Variants in ZNF385B observed in about 807,000 individuals in gnomAD.
ZNF385B encodes zinc finger protein 385B, also known as zinc finger protein 533.
Under a neutral mutation model 39.2 loss-of-function variants are expected in ZNF385B, and 23 were observed. The ratio of observed to expected loss-of-function variants is 0.59; its 90% CI spans 0.42 to 0.83. ZNF385B has a LOEUF of 0.83. ZNF385B is among the 40% of genes least tolerant of loss of function. ZNF385B has a pLI of 0.00. For synonymous variants in ZNF385B, 205 were observed against 222.6 expected (o/e 0.92, Z 0.70); for missense variants, 552 against 598.9 (o/e 0.92, Z 0.82).
At chr2:179,785,048 A>G (rs1009398370) in intron 1 of ZNF385B, among the ~76,000 whole-genome samples, 1 of 152,124 alleles carries the variant, frequency 6.6e-6, no homozygotes, top group Non-Finnish European at 1.5e-5. Context: ...CAGACATAAT[A>G]TAATGTATTT....
chr2:179,598,176 C>T (rs2106094459), intron 3 of ZNF385B, among the ~76,000 whole-genome samples: 1 of 152,052 alleles, frequency 6.6e-6, no homozygotes, highest in South Asian at 2.1e-4. Context: ...GACATGCTTT[C>T]AGAAAGATAT....
chr2:179,463,011 A>G (rs914920577), intron 6 of ZNF385B, among the ~76,000 whole-genome samples: 3 of 152,194 alleles, frequency 2.0e-5, no homozygotes, highest in Non-Finnish European at 4.4e-5. Context: ...TTAAATTAGA[A>G]ACATATATAA....
In ZNF385B at chr2:179,696,326, C is replaced by CTTTTTTTTTTTTTTTTTTTTTTTTTTTT; in HGVS notation, c.298+73176_298+73177insAAAAAAAAAAAAAAAAAAAAAAAAAAAA. Among the ~76,000 whole-genome samples the CTTTTTTTTTTTTTTTTTTTTTTTTTTTT allele has an allele frequency of 4.4e-3, 179 of 40,358 alleles. 72 individuals carry two copies. Among genetic ancestry groups the CTTTTTTTTTTTTTTTTTTTTTTTTTTTT allele is most frequent in the South Asian group, 8.2e-3 (6 of 728 alleles). The allele number at this position is 40,358 out of a possible 152,430, so 26.5% of individuals were successfully genotyped here. On this transcript the variant is annotated intron_variant, in intron 3 of 9. Transcript: ENST00000410066. ...CTGGGACACTAGGTACAAACTGGGA[C>CTTTTTTTTTTTTTTTTTTTTTTTTTTTT]TTTTTTTTTTTTTTTTTTTTTTTGC... is the stretch of plus-strand genomic sequence containing the variant.
intron 3 of ZNF385B, among the ~76,000 whole-genome samples, chr2:179,581,245 T>C (rs1179413547): frequency 1.3e-5 from 2 of 152,208 alleles, no homozygotes; most frequent in Non-Finnish European, 2.9e-5. Flanking sequence ...CAGTTTACTT[T>C]GTATCTTTCC....
chr2:179,600,365 G>C (rs1688318977), intron 3 of ZNF385B, among the ~76,000 whole-genome samples: 1 of 152,180 alleles, frequency 6.6e-6, no homozygotes, highest in Non-Finnish European at 1.5e-5. Context: ...AAAGAAGGAG[G>C]TTTAGCATCG....
At chr2:179,754,621 T>A (rs939858415) in intron 3 of ZNF385B, among the ~76,000 whole-genome samples, 5 of 152,182 alleles carry the variant, frequency 3.3e-5, no homozygotes, top group African/African-American at 1.2e-4. Flanking sequence ...CTGTTATTGG[T>A]CTCTTCAGAG....
At chr2:179,666,927 A>C (rs1389443058) in intron 3 of ZNF385B, among the ~76,000 whole-genome samples, 2 of 152,172 alleles carry the variant, frequency 1.3e-5, no homozygotes, top group Admixed American at 6.5e-5. Context: ...TTTTATCTAG[A>C]TTCATTTATC....
At chr2:179,478,603 T>C (rs1386746182) in intron 6 of ZNF385B, among the ~76,000 whole-genome samples, 1 of 152,246 alleles carries the variant, frequency 6.6e-6, no homozygotes, top group Non-Finnish European at 1.5e-5. Flanking sequence ...TCATTCTATA[T>C]GCATTCATCT....
At chr2:179,656,540 A>G (rs1053168266) in intron 3 of ZNF385B, among the ~76,000 whole-genome samples, 2 of 152,202 alleles carry the variant, frequency 1.3e-5, no homozygotes, top group Non-Finnish European at 2.9e-5. Context: ...GGTGTCAAAT[A>G]TAAGTACTAA....
intron 5 of ZNF385B, among the ~76,000 whole-genome samples, chr2:179,499,861 C>T (rs1240155754): frequency 1.3e-5 from 2 of 151,886 alleles, no homozygotes; most frequent in East Asian, 3.9e-4. Context: ...TCCTTATTTG[C>T]AGATAATATT....
chr2:179,719,256 T>A (rs954363962), intron 3 of ZNF385B, among the ~76,000 whole-genome samples: 1 of 152,122 alleles, frequency 6.6e-6, no homozygotes, highest in African/African-American at 2.4e-5. Context: ...AAGATGACCA[T>A]TCCTATTGCA....
At chr2:179,630,660 C>T (rs937129423) in intron 3 of ZNF385B, among the ~76,000 whole-genome samples, 5 of 152,154 alleles carry the variant, frequency 3.3e-5, no homozygotes, top group African/African-American at 9.7e-5. Context: ...CAAAGCTGGA[C>T]AGAAAAAGAC....
At chr2:179,859,102 G>C (rs1310728952) in intron 1 of ZNF385B, among the ~76,000 whole-genome samples, 1 of 152,034 alleles carries the variant, frequency 6.6e-6, no homozygotes, top group Non-Finnish European at 1.5e-5. Flanking sequence ...AATGCTGAGA[G>C]CACCTGATAT....
At chr2:179,512,092 A>G (rs955711429) in intron 5 of ZNF385B, among the ~76,000 whole-genome samples, 1 of 152,170 alleles carries the variant, frequency 6.6e-6, no homozygotes, top group Non-Finnish European at 1.5e-5. Context: ...ATTAATGCTG[A>G]GTACCAAAAT....
intron 3 of ZNF385B, among the ~76,000 whole-genome samples, chr2:179,597,219 G>A (rs996153662): frequency 6.6e-6 from 1 of 152,100 alleles, no homozygotes; most frequent in Non-Finnish European, 1.5e-5. Context: ...ATGGCAGCAC[G>A]CCACTTCAGG....
intron 3 of ZNF385B, among the ~76,000 whole-genome samples, chr2:179,675,036 A>G (rs1449721445): frequency 6.6e-6 from 1 of 152,228 alleles, no homozygotes; most frequent in African/African-American, 2.4e-5. Flanking sequence ...ACCCCCATGC[A>G]GTCAAAAATT....
At chr2:179,564,826 A>G (rs1433321378) in intron 3 of ZNF385B, among the ~76,000 whole-genome samples, 2 of 152,096 alleles carry the variant, frequency 1.3e-5, no homozygotes, top group Non-Finnish European at 2.9e-5. Flanking sequence ...TGGCACCTCA[A>G]GTTCAACTTG....
intron 3 of ZNF385B, among the ~76,000 whole-genome samples, chr2:179,676,738 G>C (rs1243612837): frequency 6.6e-6 from 1 of 152,138 alleles, no homozygotes; most frequent in Admixed American, 6.6e-5. Flanking sequence ...TCTTCACTGG[G>C]GGGGATTTTG....
chr2:179,814,626 G>A, intron 1 of ZNF385B: 1 of 504,698 alleles, frequency 2.0e-6, no homozygotes, highest in African/African-American at 2.0e-5. Flanking sequence ...CCTCAATGGT[G>A]GCGACCTGGT....
Sources: gnomAD v4.1 joint callset for allele counts (sites outside exome capture counted in the v4.1 genomes callset) on GRCh38, gnomAD v4.1.1 for gene constraint, MANE v1.5 for transcripts, NCBI Gene and HGNC (gene_info 2026-07-23, HGNC 2026-07-21) for gene names.